The following TMTC2 variants were observed in gnomAD, a reference collection of about 807,000 sequenced individuals.
TMTC2 encodes transmembrane O-mannosyltransferase targeting cadherins 2.
Under a neutral mutation model 82.4 loss-of-function variants are expected in TMTC2, and 43 were observed. The observed-to-expected ratio is 0.52, with a 90% CI of 0.41 to 0.67. TMTC2 has a LOEUF of 0.67. Ranked by LOEUF, TMTC2 falls within the 30% of genes least tolerant of loss-of-function variation. TMTC2 has a pLI of 0.00. For synonymous variants in TMTC2, 408 were observed against 381.9 expected (o/e 1.07, Z -0.80); for missense variants, 919 against 1,012.4 (o/e 0.91, Z 1.25).
At chr12:83,080,425 A>T (rs967149319) in intron 11 of TMTC2, among the ~76,000 whole-genome samples, 1 of 151,962 alleles carries the variant, frequency 6.6e-6, no homozygotes, top group South Asian at 2.1e-4. Flanking sequence ...TAAGATTTTT[A>T]TATCTGTAAT....
At chr12:83,082,274 T>A (rs990561361) in intron 11 of TMTC2, among the ~76,000 whole-genome samples, 6 of 152,218 alleles carry the variant, frequency 3.9e-5, no homozygotes, top group Non-Finnish European at 8.8e-5. Context: ...TGCTGTATCA[T>A]TTAAAGTGTG....
At chr12:82,879,514 C>T (rs1000204818) in intron 2 of TMTC2, among the ~76,000 whole-genome samples, 1 of 152,186 alleles carries the variant, frequency 6.6e-6, no homozygotes. Flanking sequence ...GCCTGCTCAC[C>T]GCTCACCTCC....
At chr12:82,965,147 T>C (rs1449881654) in intron 5 of TMTC2, 38 bp downstream of exon 5, 1 of 1,479,406 alleles carries the variant, frequency 6.8e-7, no homozygotes, top group African/African-American at 1.4e-5. Context: ...TTATACCTCT[T>C]TCCATATTTG....
chr12:83,117,167 C>T (rs1183440416), intron 11 of TMTC2, among the ~76,000 whole-genome samples: 3 of 152,152 alleles, frequency 2.0e-5, no homozygotes, highest in South Asian at 2.1e-4. Context: ...ATCCCAGCAC[C>T]ATTTGTTGAA....
chr12:83,126,323 G>A (rs1885096310), intron 11 of TMTC2, among the ~76,000 whole-genome samples: 1 of 152,094 alleles, frequency 6.6e-6, no homozygotes, highest in Non-Finnish European at 1.5e-5. Flanking sequence ...ATAGGATAGG[G>A]AGAGAGATTT....
intron 1 of TMTC2, among the ~76,000 whole-genome samples, chr12:82,711,674 A>T (rs1033319417): frequency 1.3e-5 from 2 of 152,214 alleles, no homozygotes; most frequent in Admixed American, 1.3e-4. Context: ...ATGAAAACAG[A>T]TGGACAATCT....
At position 82,850,710 on chromosome 12, in the gene TMTC2, A is replaced by T. The variant is rs573405981; in HGVS notation, c.84-6300A>T. ...CAAAGTATCAGGAAAGCTTAAAGGA[A>T]TTTTTAGTGAAATATTCATGACCAT... On this transcript the variant is annotated intron_variant, in intron 1 of 11. Coordinates refer to ENST00000321196, the MANE Select transcript of TMTC2 (RefSeq NM_152588.3). Among the ~76,000 whole-genome samples the T allele has an allele frequency of 2.3e-4, 35 of 152,304 alleles. 1 individual carries two copies. The highest frequency in any genetic ancestry group is 8.4e-4 in the African/African-American group (35 of 41,534).
At chr12:83,035,729 A>G (rs747476162) in intron 9 of TMTC2, among the ~76,000 whole-genome samples, 2 of 152,142 alleles carry the variant, frequency 1.3e-5, no homozygotes, top group Non-Finnish European at 2.9e-5. Context: ...CTGTAATTCA[A>G]GGGATTCTCT....
chr12:82,692,421 C>T (rs1872617561), intron 1 of TMTC2, among the ~76,000 whole-genome samples: 1 of 152,168 alleles, frequency 6.6e-6, no homozygotes, highest in South Asian at 2.1e-4. Flanking sequence ...AGTTTTGTTG[C>T]TGCTCAGCAC....
Position 82,871,927 on chromosome 12 carries a change from A to T in TMTC2, c.654+14347A>T, listed in dbSNP as rs1300495330. Among the ~76,000 whole-genome samples, 3 of 152,004 alleles carry T rather than the reference A, an allele frequency of 2.0e-5. No homozygotes were observed. In the East Asian group the frequency reaches 5.8e-4, roughly 29 times the overall value. On this transcript the variant is annotated intron_variant, in intron 2 of 11. Coordinates refer to ENST00000321196, the MANE Select transcript of TMTC2 (RefSeq NM_152588.3). The stretch of plus-strand genomic sequence containing the variant: ...ACAAACACCTGCTCTCTCAGGATTT[A>T]CATTCGTGTGGTAACCATTCTCCAG...
intron 11 of TMTC2, among the ~76,000 whole-genome samples, chr12:83,067,310 A>T (rs1243690458): frequency 6.6e-6 from 1 of 152,010 alleles, no homozygotes; most frequent in Non-Finnish European, 1.5e-5. Flanking sequence ...TGCAGTAATG[A>T]TGTTTGGAAA....
At chr12:83,014,417 G>A (rs181924032) in intron 8 of TMTC2, among the ~76,000 whole-genome samples, 23 of 152,120 alleles carry the variant, frequency 1.5e-4, no homozygotes, top group Non-Finnish European at 1.8e-4. Context: ...CTCAGCTCAT[G>A]CAACCTCCGC....
chr12:82,821,888 CAA>C (rs59861216), intron 1 of TMTC2, among the ~76,000 whole-genome samples: 2,560 of 69,378 alleles, frequency 0.037, 73 homozygotes, highest in African/African-American at 0.1. Context: ...GACTCCGTCT[CAA>C]AAAAAAAAAA....
chr12:82,810,690 C>T (rs1879455443), intron 1 of TMTC2, among the ~76,000 whole-genome samples: 1 of 152,006 alleles, frequency 6.6e-6, no homozygotes, highest in South Asian at 2.1e-4. Flanking sequence ...ATTGTAATCC[C>T]CATAATCCCC....
At chr12:82,775,612 G>T (rs1263215177) in intron 1 of TMTC2, among the ~76,000 whole-genome samples, 2 of 152,056 alleles carry the variant, frequency 1.3e-5, no homozygotes, top group Non-Finnish European at 2.9e-5. Flanking sequence ...AATACATAGA[G>T]TTCTAAGTAA....
intron 1 of TMTC2, among the ~76,000 whole-genome samples, chr12:82,820,180 A>T (rs904219578): frequency 6.6e-5 from 10 of 152,104 alleles, no homozygotes; most frequent in African/African-American, 2.4e-4. Context: ...CTGGCAGCTG[A>T]TTAGATTGTG....
intron 1 of TMTC2, among the ~76,000 whole-genome samples, chr12:82,841,535 C>T (rs145859505): frequency 6.6e-6 from 1 of 152,164 alleles, no homozygotes; most frequent in East Asian, 1.9e-4. Context: ...CATCAGCGCT[C>T]GCATATCCGT....
Position 82,964,891 on chromosome 12 carries a change from T to A in TMTC2, c.1599-133T>A, listed in dbSNP as rs570392789. 11 of 515,826 alleles carry A rather than the reference T, an allele frequency of 2.1e-5. No individual in the cohort carries two copies. In the East Asian group the frequency reaches 3.5e-4, roughly 17 times the overall value. The allele number at this position is 515,826 out of a possible 1,614,324, so 32.0% of individuals were successfully genotyped here. A position where few individuals can be genotyped will look rare whatever the true frequency, so the allele number is the denominator to read the frequency against. ...GAATCATTTCCTTATATTTAGAATTTATTTTTATATTACCAGGTTAGCATT... is the reference window on the plus strand; with the variant it reads ...GAATCATTTCCTTATATTTAGAATTAATTTTTATATTACCAGGTTAGCATT... On this transcript the variant is annotated intron_variant, in intron 4 of 11. Transcript: ENST00000321196.
intron 2 of TMTC2, among the ~76,000 whole-genome samples, chr12:82,891,550 C>T (rs1229543835): frequency 1.3e-5 from 2 of 152,142 alleles, no homozygotes; most frequent in African/African-American, 4.8e-5. Context: ...TCAGGTGACC[C>T]GCCTGCCTCA....
Sources: gnomAD v4.1 joint callset for allele counts (sites outside exome capture counted in the v4.1 genomes callset) on GRCh38, gnomAD v4.1.1 for gene constraint, MANE v1.5 for transcripts, NCBI Gene and HGNC (gene_info 2026-07-23, HGNC 2026-07-21) for gene names.